The following DYM variants were observed in gnomAD, a reference collection of about 807,000 sequenced individuals.
DYM encodes dyggve-Melchior-Clausen syndrome protein.
A neutral mutation model predicts 93.1 loss-of-function variants in DYM; 78 were observed. The observed-to-expected ratio is 0.84, with a 90% CI of 0.70 to 1.01. DYM has a LOEUF of 1.01. Ranked by LOEUF, DYM falls within the 50% of genes least tolerant of loss-of-function variation. DYM has a pLI of 0.00. For missense variants in DYM, 789 were observed against 845.0 expected, an observed-to-expected ratio of 0.93 and a Z score of 0.82; for synonymous variants, 321 against 319.7, an observed-to-expected ratio of 1.00 and a Z score of -0.04.
chr18:49,114,220 A>G (rs73441518), intron 16 of DYM, among the ~76,000 whole-genome samples: 16,141 of 152,204 alleles, frequency 0.11, 1,138 homozygotes, highest in East Asian at 0.26. Flanking sequence ...CCTAGCTCAC[A>G]TGGATTAAGA....
chr18:49,138,950 T>C (rs1300917565), intron 15 of DYM, among the ~76,000 whole-genome samples: 1 of 152,146 alleles, frequency 6.6e-6, no homozygotes, highest in Non-Finnish European at 1.5e-5. Flanking sequence ...GGCCTAATTG[T>C]GGAATGCATA....
chr18:49,440,171 A>G (rs968939631), intron 1 of DYM, among the ~76,000 whole-genome samples: 1 of 144,342 alleles, frequency 6.9e-6, no homozygotes, highest in Non-Finnish European at 1.5e-5. Flanking sequence ...AATGGAAAGT[A>G]AACATTAGTG....
chr18:49,383,655 G>C lies in DYM; in HGVS notation c.194-3897C>G, dbSNP rs1473809992. ...GGGTTACACCCCATCCCCTTACTCT[G>C]CTTTATTTTTCTGAACAGCCAACAT... On this transcript the variant is annotated intron_variant, in intron 3 of 17. Transcript: ENST00000675505. Among the ~76,000 whole-genome samples, 4 of 152,216 alleles carry C rather than the reference G, an allele frequency of 2.6e-5. No homozygotes were observed. The East Asian group carries it at 5.8e-4, about 22-fold the overall frequency.
intron 15 of DYM, among the ~76,000 whole-genome samples, chr18:49,120,123 A>G (rs888647895): frequency 2.0e-5 from 3 of 151,634 alleles, no homozygotes; most frequent in South Asian, 2.1e-4. Context: ...AAAGAAAAAA[A>G]GAACCAGAGA....
At chr18:49,343,145 G>C (rs2064296801) in intron 6 of DYM, among the ~76,000 whole-genome samples, 1 of 152,080 alleles carries the variant, frequency 6.6e-6, no homozygotes, top group Non-Finnish European at 1.5e-5. Flanking sequence ...AATACACAGG[G>C]CAAAAATATT....
intron 6 of DYM, among the ~76,000 whole-genome samples, chr18:49,343,558 G>C (rs1390101150): frequency 6.6e-6 from 1 of 151,982 alleles, no homozygotes; most frequent in East Asian, 1.9e-4. Flanking sequence ...TTTATTGTCT[G>C]TCCTATCCCA....
chr18:49,150,372 A>G (rs1600160329), intron 15 of DYM, among the ~76,000 whole-genome samples: 1 of 152,158 alleles, frequency 6.6e-6, no homozygotes, highest in Non-Finnish European at 1.5e-5. Context: ...AGATTAGGTG[A>G]TAAGGGCAGA....
chr18:49,195,158 T>C (rs900857865), intron 14 of DYM, among the ~76,000 whole-genome samples: 13 of 152,236 alleles, frequency 8.5e-5, no homozygotes, highest in African/African-American at 3.1e-4. Flanking sequence ...GTCATATATG[T>C]ATATATTTTC....
At chr18:49,248,455 G>A (rs904482560) in intron 13 of DYM, among the ~76,000 whole-genome samples, 1 of 152,124 alleles carries the variant, frequency 6.6e-6, no homozygotes, top group Non-Finnish European at 1.5e-5. Context: ...CTCAAATGAA[G>A]TAGGTATGAT....
chr18:49,067,304 C>T (rs2076510291), intron 17 of DYM, among the ~76,000 whole-genome samples: 1 of 111,898 alleles, frequency 8.9e-6, no homozygotes, highest in African/African-American at 3.6e-5. Context: ...TATGGAGGTT[C>T]AGTAGAGGAA....
chr18:49,455,944 C>T (rs111384532), intron 1 of DYM, among the ~76,000 whole-genome samples: 10 of 146,432 alleles, frequency 6.8e-5, no homozygotes, highest in African/African-American at 2.3e-4. Context: ...GTCAGACTGT[C>T]TCAAAAAAAA....
At chr18:49,179,261 C>A (rs552817748) in intron 14 of DYM, among the ~76,000 whole-genome samples, 11 of 152,202 alleles carry the variant, frequency 7.2e-5, no homozygotes, top group African/African-American at 2.6e-4. Context: ...AGCTCAGTAG[C>A]TTTGGGTTAC....
intron 14 of DYM, among the ~76,000 whole-genome samples, chr18:49,172,836 A>G (rs2088921842): frequency 6.6e-6 from 1 of 152,030 alleles, no homozygotes; most frequent in African/African-American, 2.4e-5. Context: ...TTTATGTCCT[A>G]TCTAAGAAAT....
In DYM at chr18:49,091,370, T is replaced by C. The variant is rs191798876; in HGVS notation, c.2025+6032A>G. Reference sequence around the variant, plus strand: ...TGGGGGGCTGGGAGTGCAGAAATGTTACCTGGAAGGTCGGGCAGGCATGAT... The same window carrying C: ...TGGGGGGCTGGGAGTGCAGAAATGTCACCTGGAAGGTCGGGCAGGCATGAT... On this transcript the variant is annotated intron_variant, in intron 17 of 17. Coordinates refer to ENST00000675505, the MANE Select transcript of DYM (RefSeq NM_001353214.3). Among the ~76,000 whole-genome samples the C allele has an allele frequency of 1.8e-4, 27 of 152,298 alleles. 1 individual carries two copies. The East Asian group carries it at 5.2e-3, about 29-fold the overall frequency.
chr18:49,238,297 T>C (rs2093932926), intron 13 of DYM, among the ~76,000 whole-genome samples: 1 of 152,206 alleles, frequency 6.6e-6, no homozygotes, highest in Non-Finnish European at 1.5e-5. Flanking sequence ...TTAAGAGCTA[T>C]GTGATACCCT....
intron 15 of DYM, among the ~76,000 whole-genome samples, chr18:49,158,642 T>G (rs2086712737): frequency 6.6e-6 from 1 of 152,212 alleles, no homozygotes; most frequent in African/African-American, 2.4e-5. Context: ...TCTGTCTTCA[T>G]GAGTTCAGTT....
At chr18:49,356,346 A>G (rs2065561153) in intron 6 of DYM, among the ~76,000 whole-genome samples, 2 of 152,202 alleles carry the variant, frequency 1.3e-5, no homozygotes, top group South Asian at 4.1e-4. Context: ...CTAAAAAGCT[A>G]CTGTAAACTT....
intron 14 of DYM, among the ~76,000 whole-genome samples, chr18:49,198,416 A>G (rs1039228307): frequency 3.9e-5 from 6 of 152,210 alleles, no homozygotes; most frequent in African/African-American, 1.2e-4. Flanking sequence ...CTGCACAGCA[A>G]AAGAAACTAC....
intron 17 of DYM, among the ~76,000 whole-genome samples, chr18:49,080,381 A>G (rs1408545316): frequency 1.0e-3 from 79 of 76,026 alleles, no homozygotes; most frequent in South Asian, 3.8e-3. Flanking sequence ...TGGCCGGGCG[A>G]GGGGCTGAGC....
Sources: allele counts gnomAD v4.1 joint callset (sites outside exome capture counted in the v4.1 genomes callset), GRCh38; gene constraint gnomAD v4.1.1; transcripts MANE v1.5; gene names NCBI Gene and HGNC (gene_info 2026-07-23, HGNC 2026-07-21).